Variants in ZNF541 observed in about 807,000 individuals in gnomAD.
The protein encoded by ZNF541 is zinc finger protein 541.
Under a neutral mutation model 123.5 loss-of-function variants are expected in ZNF541, and 23 were observed. That is an observed-to-expected ratio of 0.19 (90% confidence interval 0.13 to 0.26). ZNF541 has a LOEUF of 0.26. Ranked by LOEUF, ZNF541 falls within the 10% of genes least tolerant of loss-of-function variation. The pLI is 1.00. For missense variants in ZNF541, 1,612 were observed against 1,789.9 expected, an observed-to-expected ratio of 0.90 and a Z score of 1.79; for synonymous variants, 751 against 754.5, an observed-to-expected ratio of 1.00 and a Z score of 0.08.
At chr19:47,546,526 CAAAT>C (rs1568504331) in intron 4 of ZNF541, among the ~76,000 whole-genome samples, 1 of 150,912 alleles carries the variant, frequency 6.6e-6, no homozygotes, top group South Asian at 2.1e-4. Context: ...AACAAACAAA[CAAAT>C]AAATAAAATT....
intron 4 of ZNF541, among the ~76,000 whole-genome samples, chr19:47,548,104 G>C (rs1455789432): frequency 1.4e-5 from 2 of 140,312 alleles, no homozygotes; most frequent in African/African-American, 5.6e-5. Context: ...GGAAAAGAAT[G>C]AGTTTTTTAA....
chr19:47,551,784 T>C (rs1192508848), intron 3 of ZNF541, among the ~76,000 whole-genome samples: 1 of 152,146 alleles, frequency 6.6e-6, no homozygotes, highest in African/African-American at 2.4e-5. Flanking sequence ...TCCTCCTGAC[T>C]TGGCCTCCCA....
intron 4 of ZNF541, among the ~76,000 whole-genome samples, chr19:47,547,500 C>T (rs1970405594): frequency 6.6e-6 from 1 of 152,118 alleles, no homozygotes; most frequent in Non-Finnish European, 1.5e-5. Context: ...AAAGTCTTTC[C>T]CCAAAGGCTC....
chr19:47,550,931 G>A (rs1175019831), intron 3 of ZNF541, among the ~76,000 whole-genome samples: 2 of 152,176 alleles, frequency 1.3e-5, no homozygotes, highest in African/African-American at 2.4e-5. Flanking sequence ...TCTCAGATGC[G>A]AGAGTTCCCA....
At chr19:47,562,481 C>G (rs758034694) in intron 2 of ZNF541, among the ~76,000 whole-genome samples, 1 of 151,960 alleles carries the variant, frequency 6.6e-6, no homozygotes, top group Non-Finnish European at 1.5e-5. Flanking sequence ...GAGATGGAGT[C>G]TGCAGTGAGT....
intron 4 of ZNF541, among the ~76,000 whole-genome samples, chr19:47,548,614 G>C (rs935780732): frequency 1.3e-5 from 2 of 152,220 alleles, no homozygotes; most frequent in Admixed American, 1.3e-4. Context: ...GCTCTATAAA[G>C]TTAGCCCAAC....
intron 2 of ZNF541, among the ~76,000 whole-genome samples, chr19:47,567,293 T>G (rs976699736): frequency 2.0e-5 from 3 of 152,126 alleles, no homozygotes; most frequent in African/African-American, 7.2e-5. Flanking sequence ...AGTCTCACTG[T>G]GTCACCCAGG....
At chr19:47,536,216 T>C (rs553995840) in intron 9 of ZNF541, among the ~76,000 whole-genome samples, 1 of 152,310 alleles carries the variant, frequency 6.6e-6, no homozygotes, top group South Asian at 2.1e-4. Context: ...CCTTCCAGCG[T>C]GGGTGTCATG....
intron 2 of ZNF541, among the ~76,000 whole-genome samples, chr19:47,565,749 G>C (rs1371733911): frequency 6.6e-6 from 1 of 152,120 alleles, no homozygotes; most frequent in East Asian, 1.9e-4. Context: ...ATTGATTTTG[G>C]CTTTATAGCT....
At chr19:47,572,772 C>A (rs1400929743) in intron 1 of ZNF541, among the ~76,000 whole-genome samples, 2 of 106,350 alleles carry the variant, frequency 1.9e-5, no homozygotes, top group East Asian at 5.0e-4. Context: ...CCCGGGGGGA[C>A]GGAGTGGGAA....
rs150510988 is a variant in ZNF541, at chr19:47,562,579, A to G, written c.-98-6625T>C. 1.2e-3 allele frequency among the ~76,000 whole-genome samples: 178 copies of G among 152,252 alleles called. 1 individual carries two copies. The highest frequency in any genetic ancestry group is 6.8e-3 in the Middle Eastern group (2 of 294). On this transcript the variant is annotated intron_variant, in intron 2 of 16. Transcript: ENST00000391901. ...AAAAACAAAAAACAAAACAAAAAAA[A>G]CCAAACAGATAAAATGTCCAGTTTT...
intron 2 of ZNF541, among the ~76,000 whole-genome samples, chr19:47,560,566 A>C (rs1001532674): frequency 6.6e-6 from 1 of 150,384 alleles, no homozygotes; most frequent in Non-Finnish European, 1.5e-5. Flanking sequence ...ACAAGGGCAA[A>C]ACTCTGTCCC....
At chr19:47,525,281 G>A (rs1471850239) in intron 14 of ZNF541, among the ~76,000 whole-genome samples, 1 of 148,966 alleles carries the variant, frequency 6.7e-6, no homozygotes, top group Non-Finnish European at 1.5e-5. Flanking sequence ...GTGAAACTCT[G>A]TCTCCAAAAA....
At chr19:47,567,632 C>G (rs1346285587) in intron 2 of ZNF541, among the ~76,000 whole-genome samples, 1 of 152,228 alleles carries the variant, frequency 6.6e-6, no homozygotes, top group Non-Finnish European at 1.5e-5. Flanking sequence ...ATTTCTCATT[C>G]AAGTTAGGCT....
At position 47,545,688 on chromosome 19, in the gene ZNF541, T is replaced by C. The variant is rs1341102084; in HGVS notation, c.841A>G (p.Ser281Gly). 3 of 1,548,098 alleles carry C rather than the reference T, an allele frequency of 1.9e-6. No homozygotes were observed. Among genetic ancestry groups the C allele is most frequent in the African/African-American group, 2.7e-5 (2 of 72,940 alleles). ...GAAGGGGTCTTCTGGTGGACGATGC[T>C]ACTCACGATGCGGCGCAGGAGGTCC... Reference protein sequence around the residue: ...HRDLLRRIVSSIVHQKTPSPG... With the variant: ...HRDLLRRIVSGIVHQKTPSPG... The change falls in exon 5 of 17, where the codon AGC becomes GGC. Residue 281 changes from serine (S) to glycine (G), a missense_variant. Ser to Gly is a moderately conservative substitution (Grantham distance 56). Around this residue, in one of 5 missense-constraint regions of ZNF541, gnomAD observed 1,080 missense variants for 1,013.8 expected, o/e 1.07. Coordinates refer to ENST00000391901, the MANE Select transcript of ZNF541 (RefSeq NM_001277075.3). The surrounding 1 kb of genome is among the most constrained non-coding windows in gnomAD (Gnocchi z 7.5).
intron 2 of ZNF541, among the ~76,000 whole-genome samples, chr19:47,560,220 C>T (rs2921556): frequency 0.37 from 56,003 of 151,918 alleles, 15,437 homozygotes; most frequent in African/African-American, 0.78. Context: ...GGGCAAACAA[C>T]TGACTTGCTA....
chr19:47,532,047 TC>T, intron 11 of ZNF541, 80 bp downstream of exon 11: 3 of 1,519,588 alleles, frequency 2.0e-6, no homozygotes, highest in Non-Finnish European at 2.7e-6. Context: ...GGTCAGGAGT[TC>T]CAGACCTAGG....
At position 47,538,126 on chromosome 19, in the gene ZNF541, C is replaced by T; in HGVS notation, c.3094+16G>A. 6.5e-7 allele frequency: 1 copy of T among 1,549,304 alleles called. No individual in the cohort carries two copies. Among genetic ancestry groups the T allele is most frequent in the South Asian group, 1.2e-5 (1 of 83,938 alleles). On this transcript the variant is annotated intron_variant, in intron 9 of 16. Coordinates refer to ENST00000391901, the MANE Select transcript of ZNF541 (RefSeq NM_001277075.3). ...CCACCCTGGGATCACAGAGTGAGTG[C>T]CCCAGCCTCACTCACCGAGCATGGA...
chr19:47,545,389 G>A lies in ZNF541; in HGVS notation c.1140C>T (p.Thr380=), dbSNP rs750727707. Residue 380 remains threonine (T), a synonymous_variant, in exon 5 of 17, where the codon ACC becomes ACT. Coordinates refer to ENST00000391901, the MANE Select transcript of ZNF541 (RefSeq NM_001277075.3). This position sits in a 1 kb window ranked among gnomAD's most constrained non-coding sequence, Gnocchi z 7.5. ...PDTALLQARS[T]AECWPEGGSV... The stretch of plus-strand genomic sequence containing the variant: ...AGCCGCCTTCGGGCCAGCACTCCGC[G>A]GTGGACCGGGCCTGGAGCAGCGCGG... The A allele has an allele frequency of 3.9e-6, 6 of 1,520,832 alleles. No homozygotes were observed. The highest frequency in any genetic ancestry group is 1.2e-5 in the South Asian group (1 of 80,134). The allele number at this position is 1,520,832 out of a possible 1,614,324, so 94.2% of individuals were successfully genotyped here.
Sources: gnomAD v4.1 joint callset for allele counts (sites outside exome capture counted in the v4.1 genomes callset) on GRCh38, gnomAD v4.1.1 for gene constraint, gnomAD v4.1.1 regional missense constraint, Gnocchi (gnomAD v3.1) non-coding constraint, MANE v1.5 for transcripts, NCBI Gene and HGNC (gene_info 2026-07-23, HGNC 2026-07-21) for gene names.